FMR1NB: variants seen among roughly 807,000 people sequenced by gnomAD.
FMR1NB encodes FMR1 neighbor.
FMR1NB carries 10 observed loss-of-function variants against 16.8 expected under a neutral mutation model. The ratio of observed to expected loss-of-function variants is 0.60; its 90% CI spans 0.37 to 1.01. The LOEUF is 1.01. Ranked by LOEUF, FMR1NB falls within the 50% of genes least tolerant of loss-of-function variation. FMR1NB has a pLI of 0.01. For missense variants in FMR1NB, 205 were observed against 204.8 expected, an observed-to-expected ratio of 1.00 and a Z score of 0.00; for synonymous variants, 83 against 79.1, an observed-to-expected ratio of 1.05 and a Z score of -0.26.
At chrX:147,993,144 C>T (rs893793003) in intron 1 of FMR1NB, among the ~76,000 whole-genome samples, 25 of 112,059 alleles carry the variant, frequency 2.2e-4, no homozygotes, top group South Asian at 7.4e-4. Flanking sequence ...ACTGAGTGAA[C>T]GAGACTCCGT....
At chrX:148,018,923 C>T (rs1166005488) in intron 4 of FMR1NB, among the ~76,000 whole-genome samples, 1 of 111,413 alleles carries the variant, frequency 9.0e-6, no homozygotes, top group Non-Finnish European at 1.9e-5. Flanking sequence ...GCAACCTACT[C>T]GTCTGACAAA....
intron 1 of FMR1NB, among the ~76,000 whole-genome samples, chrX:147,987,385 C>A (rs1485428968): frequency 8.9e-6 from 1 of 111,999 alleles, no homozygotes; most frequent in Non-Finnish European, 1.9e-5. Flanking sequence ...TGAGAGAGGG[C>A]ATCCTTGTCT....
intron 1 of FMR1NB, among the ~76,000 whole-genome samples, chrX:147,996,539 C>T (rs1463378531): frequency 9.1e-6 from 1 of 110,217 alleles, no homozygotes; most frequent in Admixed American, 9.7e-5. Flanking sequence ...TCTGTCTCCT[C>T]ACCCTGTCAT....
At chrX:147,998,468 A>G (rs1405757458) in intron 1 of FMR1NB, among the ~76,000 whole-genome samples, 1 of 111,630 alleles carries the variant, frequency 9.0e-6, no homozygotes, top group African/African-American at 3.3e-5. Context: ...GTGGGGGGCT[A>G]GAGGAGGGAG....
rs1557186528 is a variant in FMR1NB at position 147,981,675 on chromosome X, C to T, written c.273C>T (p.Cys91=). The T allele has an allele frequency of 9.6e-7, 1 of 1,041,305 alleles. No individual in the cohort carries two copies. Among genetic ancestry groups the T allele is most frequent in the Non-Finnish European group, 1.3e-6 (1 of 791,368 alleles). The allele number at this position is 1,041,305 out of a possible 1,213,427, so 85.8% of individuals were successfully genotyped here. ...GCTACTACCTGTCCTACTACCTGTG[C>T]TCCGGTGAGTGCTGGCTCAGGCCAG... is the stretch of plus-strand genomic sequence containing the variant. The part of the protein sequence containing the change: ...FVCYYLSYYL[C]SGSSYFVLAN... Residue 91 remains cysteine, a synonymous_variant, in exon 1 of 6, where the codon TGC becomes TGT. Coordinates refer to ENST00000370467, the MANE Select transcript of FMR1NB (RefSeq NM_152578.3).
intron 1 of FMR1NB, among the ~76,000 whole-genome samples, chrX:147,996,589 T>G (rs1603075801): frequency 6.1e-5 from 6 of 98,233 alleles, no homozygotes; most frequent in East Asian, 7.5e-4. Context: ...ACAGCGGGGA[T>G]GGGGGGGGCG....
At chrX:148,024,809 T>C in intron 4 of FMR1NB, 56 bp from the exon 5 acceptor site, 1 of 1,173,203 alleles carries the variant, frequency 8.5e-7, no homozygotes, top group Non-Finnish European at 1.1e-6. Context: ...AACCCTCCCA[T>C]TGTTATTCTA....
At chrX:147,997,553 G>A (rs1478733474) in intron 1 of FMR1NB, among the ~76,000 whole-genome samples, 1 of 112,101 alleles carries the variant, frequency 8.9e-6, no homozygotes, top group African/African-American at 3.2e-5. Context: ...CATGGGCAAA[G>A]ACTTCATGAC....
chrX:147,994,963 A>G (rs782312669), intron 1 of FMR1NB, among the ~76,000 whole-genome samples: 7 of 112,192 alleles, frequency 6.2e-5, no homozygotes, highest in Non-Finnish European at 1.1e-4. Flanking sequence ...TTGTTTGGAG[A>G]TAAGGTCTTC....
intron 4 of FMR1NB, among the ~76,000 whole-genome samples, chrX:148,019,521 A>G (rs143514049): frequency 0.021 from 2,313 of 111,542 alleles, 28 homozygotes; most frequent in Middle Eastern, 0.042. Context: ...ACTGTTCACT[A>G]TCTGGGCTTG....
chrX:148,002,408 A>G (rs1453883645), intron 1 of FMR1NB, among the ~76,000 whole-genome samples: 1 of 110,918 alleles, frequency 9.0e-6, no homozygotes, highest in Non-Finnish European at 1.9e-5. Context: ...GCTGGAGGGT[A>G]ATTTGGACAT....
chrX:147,991,370 C>G (rs528343879), intron 1 of FMR1NB, among the ~76,000 whole-genome samples: 23 of 109,973 alleles, frequency 2.1e-4, no homozygotes, highest in Non-Finnish European at 3.8e-4. Flanking sequence ...TCCAACCTCC[C>G]TTATCTCTCC....
chrX:147,999,966 T>A (rs1431719979), intron 1 of FMR1NB, among the ~76,000 whole-genome samples: 1 of 112,005 alleles, frequency 8.9e-6, no homozygotes, highest in African/African-American at 3.2e-5. Context: ...TACTTTAATA[T>A]TTATCTTTTA....
At chrX:147,992,713 C>A (rs1267690831) in intron 1 of FMR1NB, among the ~76,000 whole-genome samples, 2 of 61,113 alleles carry the variant, frequency 3.3e-5, no homozygotes, top group Non-Finnish European at 5.6e-5. Flanking sequence ...GGCGGCCGGG[C>A]AGAGACGCTC....
intron 1 of FMR1NB, among the ~76,000 whole-genome samples, chrX:147,988,834 G>T (rs1014378103): frequency 9.0e-6 from 1 of 111,304 alleles, no homozygotes; most frequent in African/African-American, 3.3e-5. Flanking sequence ...CGAAGTTCTC[G>T]TGCTGTGTTT....
intron 4 of FMR1NB, among the ~76,000 whole-genome samples, chrX:148,023,961 T>G (rs2044691700): frequency 9.0e-6 from 1 of 111,522 alleles, no homozygotes; most frequent in South Asian, 3.8e-4. Flanking sequence ...ACTTTCCGTC[T>G]TGGTGCCTCA....
intron 2 of FMR1NB, among the ~76,000 whole-genome samples, chrX:148,004,242 G>A (rs1277532045): frequency 1.8e-5 from 2 of 112,031 alleles, no homozygotes; most frequent in Non-Finnish European, 3.8e-5. Context: ...AGAATGGTTT[G>A]AGTGCCACAG....
At chrX:147,987,930 C>T (rs1396070394) in intron 1 of FMR1NB, among the ~76,000 whole-genome samples, 3 of 110,310 alleles carry the variant, frequency 2.7e-5, no homozygotes, top group Non-Finnish European at 3.8e-5. Context: ...AGATGGGTCT[C>T]CTGAATACAG....
chrX:147,995,187 G>A (rs1234410688), intron 1 of FMR1NB, among the ~76,000 whole-genome samples: 2 of 112,032 alleles, frequency 1.8e-5, no homozygotes, highest in East Asian at 5.6e-4. Flanking sequence ...AGCCTCCAGA[G>A]GTGTGAGACA....
Sources: allele counts gnomAD v4.1 joint callset (sites outside exome capture counted in the v4.1 genomes callset), GRCh38; gene constraint gnomAD v4.1.1; transcripts MANE v1.5; gene names NCBI Gene and HGNC (gene_info 2026-07-23, HGNC 2026-07-21).